Variants in MLIP observed in about 807,000 individuals in gnomAD.
MLIP encodes muscular LMNA-interacting protein.
In MLIP, 79 loss-of-function variants were observed where a neutral mutation model predicts 84.8. The observed-to-expected ratio is 0.93, with a 90% CI of 0.78 to 1.12. The LOEUF is 1.12. MLIP is among the 50% of genes most tolerant of loss of function. The pLI, the probability that MLIP is intolerant of heterozygous loss-of-function variation, is 0.00. For synonymous variants in MLIP, 504 were observed against 463.0 expected, an observed-to-expected ratio of 1.09 and a Z score of -1.14; for missense variants, 1,257 against 1,160.6, an observed-to-expected ratio of 1.08 and a Z score of -1.21.
rs542740869 is a variant in MLIP at position 54,064,307 on chromosome 6, C to A, written c.63+45216C>A. ...GTGTGAAGATCTTCACAGTATTAGACCACTAGCTGTTGATGGTTAAAGGTT... is the reference window on the plus strand; with the variant it reads ...GTGTGAAGATCTTCACAGTATTAGAACACTAGCTGTTGATGGTTAAAGGTT... On this transcript the variant is annotated intron_variant, in intron 1 of 12. Coordinates refer to the MLIP transcript ENST00000274897. Among the ~76,000 whole-genome samples the A allele has an allele frequency of 8.9e-4, 89 of 99,900 alleles. 36 individuals are homozygous for A. In the South Asian group the frequency reaches 0.012, roughly 14 times the overall value. The allele number at this position is 99,900 out of a possible 152,430, so 65.5% of individuals were successfully genotyped here.
chr6:54,240,751 C>A (rs1011217389), intron 12 of MLIP, among the ~76,000 whole-genome samples: 2 of 152,082 alleles, frequency 1.3e-5, no homozygotes, highest in African/African-American at 4.8e-5. Context: ...CTGAGGCAGG[C>A]GGATCACGAG....
At chr6:54,254,722 T>A (rs935743928) in intron 12 of MLIP, among the ~76,000 whole-genome samples, 73 of 133,538 alleles carry the variant, frequency 5.5e-4, no homozygotes, top group African/African-American at 2.4e-3. Flanking sequence ...TTTATTAGAA[T>A]CTTCTTTTTT....
At chr6:54,083,439 T>C (rs1332817015) in intron 1 of MLIP, 39 of 1,509,388 alleles carry the variant, frequency 2.6e-5, no homozygotes, top group Middle Eastern at 1.7e-4. Context: ...ATTTGTACAG[T>C]GCTTTGTCAT....
At chr6:54,098,916 G>A (rs1554148168) in intron 1 of MLIP, among the ~76,000 whole-genome samples, 1 of 152,132 alleles carries the variant, frequency 6.6e-6, no homozygotes, top group African/African-American at 2.4e-5. Context: ...ATCTGTCCAA[G>A]GTTTCACTGC....
intron 5 of MLIP, among the ~76,000 whole-genome samples, chr6:54,158,509 AG>A (rs940933273): frequency 4.9e-4 from 74 of 152,256 alleles, no homozygotes; most frequent in African/African-American, 1.8e-3. Flanking sequence ...TTCTAGCTAT[AG>A]ATTTTCAAAC....
chr6:54,198,734 AT>A (rs1390826306), intron 10 of MLIP, among the ~76,000 whole-genome samples: 1 of 152,152 alleles, frequency 6.6e-6, no homozygotes. Context: ...ACTAAAATCT[AT>A]GTCCATGTTT....
At chr6:54,265,456 G>A (rs1783632286) in intron 13 of MLIP, among the ~76,000 whole-genome samples, 2 of 152,238 alleles carry the variant, frequency 1.3e-5, no homozygotes, top group South Asian at 4.1e-4. Context: ...GAAGAAAAGC[G>A]AGAGGTTATT....
chr6:54,040,953 A>C (rs529830062), intron 1 of MLIP: 2 of 152,028 alleles, frequency 1.3e-5, no homozygotes, highest in African/African-American at 4.8e-5. Flanking sequence ...CTGAAAAACT[A>C]CCTGTTGTGT....
intron 1 of MLIP, among the ~76,000 whole-genome samples, chr6:54,115,873 T>C (rs1044156674): frequency 9.9e-5 from 15 of 152,208 alleles, no homozygotes; most frequent in Admixed American, 7.9e-4. Flanking sequence ...CATTTATCAT[T>C]GAAATAGAGT....
At chr6:54,147,570 A>G (rs1048928903) in intron 4 of MLIP, among the ~76,000 whole-genome samples, 4 of 152,070 alleles carry the variant, frequency 2.6e-5, no homozygotes, top group South Asian at 2.1e-4. Context: ...GCTTCTTCCT[A>G]TGAGGGAGAA....
intron 1 of MLIP, among the ~76,000 whole-genome samples, chr6:54,038,821 A>T (rs1022798993): frequency 2.6e-5 from 4 of 151,912 alleles, no homozygotes; most frequent in Non-Finnish European, 5.9e-5. Context: ...CCAGCAAACA[A>T]ATCAGTTTTT....
At chr6:54,130,185 T>G (rs1267277747) in intron 3 of MLIP, among the ~76,000 whole-genome samples, 1 of 152,146 alleles carries the variant, frequency 6.6e-6, no homozygotes, top group African/African-American at 2.4e-5. Flanking sequence ...TGGTAGCTTG[T>G]TATTTCCTCT....
intron 12 of MLIP, among the ~76,000 whole-genome samples, chr6:54,248,921 A>G (rs1446237563): frequency 2.6e-5 from 4 of 152,150 alleles, no homozygotes; most frequent in Non-Finnish European, 5.9e-5. Context: ...TCAAGTGAAT[A>G]TATAATAACC....
At chr6:54,043,616 C>T (rs145034033) in intron 1 of MLIP, among the ~76,000 whole-genome samples, 52 of 152,260 alleles carry the variant, frequency 3.4e-4, no homozygotes, top group African/African-American at 1.2e-3. Context: ...AGGAATCAGC[C>T]TGCTCAGAAT....
chr6:54,111,073 C>T (rs556750577), upstream of MLIP, among the ~76,000 whole-genome samples: 2 of 152,338 alleles, frequency 1.3e-5, no homozygotes, highest in South Asian at 2.1e-4. Flanking sequence ...GCATGACCAA[C>T]TGATTATTGA....
At chr6:54,251,662 A>T (rs1231072862) in intron 12 of MLIP, among the ~76,000 whole-genome samples, 3 of 103,658 alleles carry the variant, frequency 2.9e-5, no homozygotes, top group Non-Finnish European at 5.2e-5. Flanking sequence ...ATATAATATA[A>T]ATATATATTA....
At chr6:54,200,711 A>C (rs1778620205) in intron 10 of MLIP, among the ~76,000 whole-genome samples, 1 of 148,978 alleles carries the variant, frequency 6.7e-6, no homozygotes, top group Admixed American at 6.7e-5. Flanking sequence ...GATGTTACTT[A>C]TTCATTTTTC....
rs767639115 is a variant in MLIP at position 54,124,496 on chromosome 6, C to T, written c.276C>T (p.Thr92=). ...VNRSKSNDYL[T]LNAGSQQERD... ...AGTCTAAATCCAATGACTACTTGAC[C>T]TTGAATGCTGGGAGCCAACAAGAGA... Residue 92 remains threonine (T), a synonymous_variant, in exon 3 of 14, where the codon ACC becomes ACT. Coordinates refer to ENST00000502396, the MANE Select transcript of MLIP (RefSeq NM_001281747.2). 52 of 1,613,716 alleles carry T rather than the reference C, an allele frequency of 3.2e-5. No individual in the cohort carries two copies. The highest frequency in any genetic ancestry group is 4.2e-5 in the Non-Finnish European group (50 of 1,179,880).
chr6:54,232,193 ATT>A (rs1288697788), intron 12 of MLIP, among the ~76,000 whole-genome samples: 1 of 152,100 alleles, frequency 6.6e-6, no homozygotes, highest in African/African-American at 2.4e-5. Context: ...ACATTTAGTT[ATT>A]TGAGTTAATA....
Sources: gnomAD v4.1 joint callset for allele counts (sites outside exome capture counted in the v4.1 genomes callset) on GRCh38, gnomAD v4.1.1 for gene constraint, MANE v1.5 for transcripts, NCBI Gene and HGNC (gene_info 2026-07-23, HGNC 2026-07-21) for gene names.